Variants in ATXN7L1 observed in about 807,000 individuals in gnomAD.
ATXN7L1 encodes ataxin 7 like 1.
In ATXN7L1, 15 loss-of-function variants were observed where a neutral mutation model predicts 70.8. That is an observed-to-expected ratio of 0.21 (90% CI 0.14 to 0.33). The LOEUF (loss-of-function observed/expected upper bound fraction) is 0.33, where lower values mean the gene tolerates loss of function less well. ATXN7L1 is among the 10% of genes least tolerant of loss of function. ATXN7L1 has a pLI of 1.00. For missense variants in ATXN7L1, 975 were observed against 1,097.1 expected, an observed-to-expected ratio of 0.89 and a Z score of 1.57; for synonymous variants, 440 against 445.1, an observed-to-expected ratio of 0.99 and a Z score of 0.14.
intron 11 of ATXN7L1, 41 bp downstream of exon 11, chr7:105,610,488 C>A (rs771709411): frequency 5.6e-5 from 82 of 1,470,426 alleles, no homozygotes; most frequent in Non-Finnish European, 6.2e-5. Context: ...CTGCTGATGA[C>A]CATATGAATT....
At chr7:105,766,676 A>G (rs1469231802) in intron 3 of ATXN7L1, among the ~76,000 whole-genome samples, 1 of 152,214 alleles carries the variant, frequency 6.6e-6, no homozygotes, top group African/African-American at 2.4e-5. Context: ...TGACGGCTCC[A>G]AGGGAAACCG....
chr7:105,688,065 G>A (rs1790194099), intron 3 of ATXN7L1, among the ~76,000 whole-genome samples: 1 of 152,194 alleles, frequency 6.6e-6, no homozygotes, highest in Non-Finnish European at 1.5e-5. Context: ...CCTCAGGAAG[G>A]AATGCTGAAC....
At chr7:105,692,233 A>C (rs1232796282) in intron 3 of ATXN7L1, among the ~76,000 whole-genome samples, 1 of 152,188 alleles carries the variant, frequency 6.6e-6, no homozygotes, top group East Asian at 1.9e-4. Context: ...TCCTCGAAGC[A>C]TCTTTTAGAG....
At position 105,614,601 on chromosome 7, in the gene ATXN7L1, A is replaced by C; in HGVS notation, c.1733T>G (p.Met578Arg). Residue 578 changes from methionine to arginine, a missense_variant, in exon 10 of 12, where the codon ATG becomes AGG. Met to Arg is a moderately conservative substitution (Grantham distance 91, BLOSUM62 -1). Coordinates refer to ENST00000419735, the MANE Select transcript of ATXN7L1 (RefSeq NM_020725.2). This position sits in a 1 kb window ranked among gnomAD's most constrained non-coding sequence, Gnocchi z 4.3. ...FVTSPDPSAL[M>R]SHTTAFPHVA... The stretch of plus-strand genomic sequence containing the variant: ...ATGAGGGAAAGCTGTGGTGTGGGAC[A>C]TGAGGGCGCTCGGGTCCGGCGATGT... The C allele has an allele frequency of 6.4e-7, 1 of 1,551,888 alleles. No individual in the cohort carries two copies. The highest frequency in any genetic ancestry group is 8.7e-7 in the Non-Finnish European group (1 of 1,147,000).
At chr7:105,612,010 C>T (rs1205852559) in intron 10 of ATXN7L1, among the ~76,000 whole-genome samples, 1 of 152,212 alleles carries the variant, frequency 6.6e-6, no homozygotes, top group East Asian at 1.9e-4. Flanking sequence ...GAATTCCCTC[C>T]TGATGAGTAC....
intron 3 of ATXN7L1, among the ~76,000 whole-genome samples, chr7:105,766,861 C>T (rs1006915790): frequency 1.1e-4 from 16 of 152,242 alleles, no homozygotes; most frequent in African/African-American, 3.6e-4. Context: ...GGAGCCATCA[C>T]TTCATCCCAG....
intron 3 of ATXN7L1, among the ~76,000 whole-genome samples, chr7:105,704,995 T>C (rs565553486): frequency 1.3e-5 from 2 of 152,112 alleles, no homozygotes; most frequent in South Asian, 4.2e-4. Flanking sequence ...TAACTCAGTT[T>C]TGTAGAGATT....
intron 3 of ATXN7L1, among the ~76,000 whole-genome samples, chr7:105,776,635 G>A (rs546434235): frequency 6.6e-6 from 1 of 152,172 alleles, no homozygotes; most frequent in Non-Finnish European, 1.5e-5. Flanking sequence ...TGAGAGGGGG[G>A]AGGGGTGGAT....
chr7:105,607,881 T>G lies in ATXN7L1; in HGVS notation c.2557A>C (p.Arg853=), dbSNP rs1479059130. 2.6e-6 allele frequency: 4 copies of G among 1,552,008 alleles called. No homozygotes were observed. The Admixed American group carries it at 7.8e-5, about 30-fold the overall frequency. ...GGAAGAGTCCTTATCCTGCCCGTTC[T>G]GTTTGTGTTCTTCTAGGAAAGAAAA... ...SPGHSRQNTN[R]TGRIRTLP is the part of the protein sequence containing the mutation. The change falls in exon 12 of 12, where the codon AGA becomes CGA. Residue 853 remains arginine, a synonymous_variant. Transcript: ENST00000419735.
chr7:105,698,443 C>T (rs932377034), intron 3 of ATXN7L1, among the ~76,000 whole-genome samples: 3 of 152,172 alleles, frequency 2.0e-5, no homozygotes, highest in Admixed American at 6.5e-5. Flanking sequence ...TTGCTCACTG[C>T]AGCCTTGACC....
At chr7:105,802,479 C>A (rs920151635) in intron 2 of ATXN7L1, among the ~76,000 whole-genome samples, 5 of 152,180 alleles carry the variant, frequency 3.3e-5, no homozygotes, top group Non-Finnish European at 7.3e-5. Context: ...GAAACACAGA[C>A]CTTTCCTTTA....
intron 4 of ATXN7L1, among the ~76,000 whole-genome samples, chr7:105,664,300 A>G (rs531169211): frequency 6.6e-6 from 1 of 152,006 alleles, no homozygotes; most frequent in East Asian, 1.9e-4. Flanking sequence ...ACTGGGGTGG[A>G]AAATTGAGAG....
rs556048408 is a variant in ATXN7L1, at chr7:105,740,784, T to TTG, written c.355+47819_355+47820insCA. ...GGCTCCATTCATTTTTTTTTTTTTT[T>TTG]AATGGAGTCTCACTCTGTCGCCCAG... On this transcript the variant is annotated intron_variant, in intron 3 of 11. Transcript: ENST00000419735. Among the ~76,000 whole-genome samples, 2 of 77,926 alleles carry TTG rather than the reference T, an allele frequency of 2.6e-5. 1 individual carries two copies. Among genetic ancestry groups the TTG allele is most frequent in the African/African-American group, 1.2e-4 (2 of 16,332 alleles). 51.1% of individuals were successfully genotyped at this position (77,926 alleles called of 152,430 possible). A position where few individuals can be genotyped will look rare whatever the true frequency, so the allele number is the denominator to read the frequency against.
intron 2 of ATXN7L1, among the ~76,000 whole-genome samples, chr7:105,814,616 C>G (rs1167565973): frequency 1.3e-5 from 2 of 152,082 alleles, no homozygotes; most frequent in Non-Finnish European, 2.9e-5. Context: ...TTAATTCCTT[C>G]CTCATTACAC....
At chr7:105,783,349 T>C (rs1406271152) in intron 3 of ATXN7L1, among the ~76,000 whole-genome samples, 4 of 152,214 alleles carry the variant, frequency 2.6e-5, no homozygotes, top group Non-Finnish European at 5.9e-5. Context: ...GATAGGAATA[T>C]CTTTCATTGT....
At chr7:105,729,510 A>G (rs1407804453) in intron 3 of ATXN7L1, among the ~76,000 whole-genome samples, 1 of 150,608 alleles carries the variant, frequency 6.6e-6, no homozygotes, top group African/African-American at 2.4e-5. Flanking sequence ...GCTCGCCACA[A>G]TCTCTGCCTC....
At chr7:105,630,696 G>C (rs1250437501) in intron 7 of ATXN7L1, among the ~76,000 whole-genome samples, 1 of 148,028 alleles carries the variant, frequency 6.8e-6, no homozygotes, top group Non-Finnish European at 1.5e-5. Flanking sequence ...TAGCCTGGGG[G>C]ACAGAGTGAG....
intron 10 of ATXN7L1, among the ~76,000 whole-genome samples, chr7:105,612,433 C>T (rs913039216): frequency 1.1e-4 from 16 of 152,298 alleles, no homozygotes; most frequent in African/African-American, 3.6e-4. Flanking sequence ...GTTAGAAATG[C>T]AGACTCCCAG....
Position 105,760,908 on chromosome 7 carries a change from G to C in ATXN7L1, c.355+27696C>G, listed in dbSNP as rs556959962. ...TTGACTGGAATATAGACAATGAAAG[G>C]GAGCCTGGCACAGGATGTGGCCCAG... On this transcript the variant is annotated intron_variant, in intron 3 of 11. Coordinates refer to ENST00000419735, the MANE Select transcript of ATXN7L1 (RefSeq NM_020725.2). The C allele has an allele frequency of 6.2e-5, 10 of 161,348 alleles. No individual in the cohort carries two copies. In the South Asian group the frequency reaches 1.8e-3, roughly 29 times the overall value. 10.0% of individuals were successfully genotyped at this position (161,348 alleles called of 1,614,324 possible).
Sources: gnomAD v4.1 joint callset for allele counts (sites outside exome capture counted in the v4.1 genomes callset) on GRCh38, gnomAD v4.1.1 for gene constraint, Gnocchi (gnomAD v3.1) non-coding constraint, MANE v1.5 for transcripts, NCBI Gene and HGNC (gene_info 2026-07-23, HGNC 2026-07-21) for gene names.